The following GIMAP8 variants were observed in gnomAD, a reference collection of about 807,000 sequenced individuals.
GIMAP8 encodes the protein GTPase, IMAP family member 8.
GIMAP8 carries 29 observed loss-of-function variants against 35.6 expected under a neutral mutation model. The observed-to-expected ratio is 0.81, with a 90% CI of 0.61 to 1.11. GIMAP8 has a LOEUF of 1.11. Ranked by LOEUF, GIMAP8 falls within the 50% of genes most tolerant of loss-of-function variation. The pLI, the probability that GIMAP8 is intolerant of heterozygous loss-of-function variation, is 0.00. For missense variants in GIMAP8, 811 were observed against 805.0 expected, an observed-to-expected ratio of 1.01 and a Z score of -0.09; for synonymous variants, 335 against 308.7, an observed-to-expected ratio of 1.09 and a Z score of -0.89.
rs746809284 is a variant in GIMAP8 at position 150,474,573 on chromosome 7, T to C, written c.1244T>C (p.Leu415Pro). The change falls in exon 4 of 5, where the codon CTC (leucine) becomes CCC (proline). Residue 415 changes from leucine (L) to proline (P), a missense_variant. Leu to Pro is a moderately conservative substitution (Grantham distance 98). Transcript: ENST00000307271. ...GEEEQRQADE[L>P]LEKIESMVHQ... ...GAAGAGCAAAGGCAGGCGGACGAGCTCCTGGAAAAAATTGAGAGCATGGTG... is the reference window on the plus strand; with the variant it reads ...GAAGAGCAAAGGCAGGCGGACGAGCCCCTGGAAAAAATTGAGAGCATGGTG... The C allele has an allele frequency of 6.2e-7, 1 of 1,612,402 alleles. No individual in the cohort carries two copies. Among genetic ancestry groups the C allele is most frequent in the South Asian group, 1.1e-5 (1 of 90,668 alleles).
At chr7:150,470,762 T>TTTTTTTTG in intron 2 of GIMAP8, 67 bp from the exon 3 acceptor site, 1 of 711,328 alleles carries the variant, frequency 1.4e-6, no homozygotes, top group South Asian at 2.1e-5. Flanking sequence ...TTTTTTTTTT[T>TTTTTTTTG]TTTTTTCAGT....
intron 3 of GIMAP8, among the ~76,000 whole-genome samples, chr7:150,471,399 G>T (rs1802086975): frequency 6.6e-6 from 1 of 152,238 alleles, no homozygotes; most frequent in Non-Finnish European, 1.5e-5. Flanking sequence ...ATGCAACCAT[G>T]CCTTTACTGA....
At chr7:150,457,948 C>T (rs1801765846) in intron 1 of GIMAP8, among the ~76,000 whole-genome samples, 1 of 152,196 alleles carries the variant, frequency 6.6e-6, no homozygotes, top group South Asian at 2.1e-4. Context: ...CTGCTCCTTC[C>T]CCAACAGGCC....
In GIMAP8 at chr7:150,474,061, G is replaced by A. The variant is rs1160852208; in HGVS notation, c.732G>A (p.Gly244=). 1.2e-6 allele frequency: 2 copies of A among 1,614,162 alleles called. No individual in the cohort carries two copies. Among genetic ancestry groups the A allele is most frequent in the East Asian group, 2.2e-5 (1 of 44,882 alleles). ...CCACAGGACCCGAGCAGAATCCGGG[G>A]ACATCAGAACTGACAGTCCTCCTTG... The part of the protein sequence containing the change: ...LQSTGPEQNP[G]TSELTVLLVG... Residue 244 remains glycine, a synonymous_variant, in exon 4 of 5, where the codon GGG becomes GGA. Transcript: ENST00000307271.
chr7:150,456,409 CCT>C (rs1324066248), intron 1 of GIMAP8, among the ~76,000 whole-genome samples: 1 of 152,190 alleles, frequency 6.6e-6, no homozygotes, highest in Non-Finnish European at 1.5e-5. Flanking sequence ...CCTGCTCCTT[CCT>C]CTGTCTTTAA....
At chr7:150,461,194 T>C (rs1178162220) in intron 1 of GIMAP8, among the ~76,000 whole-genome samples, 1 of 152,244 alleles carries the variant, frequency 6.6e-6, no homozygotes, top group Non-Finnish European at 1.5e-5. Flanking sequence ...AAGAAGAAAG[T>C]GCATTGTGTA....
Position 150,474,548 on chromosome 7 carries a change from G to T in GIMAP8, c.1219G>T (p.Glu407Ter). The change falls in exon 4 of 5, where the codon GAA becomes TAA. Residue 407 changes from glutamate (E) to a stop codon, truncating the protein, a stop_gained. Transcript: ENST00000307271. LOFTEE classifies it high-confidence loss of function. ...CTTCAACTACCGGGCAACAGGAGAA[G>T]AAGAGCAAAGGCAGGCGGACGAGCT... ...SAFNYRATGEEEQRQADELLE... is the reference protein window; with the variant it reads ...SAFNYRATGE 1 of 1,611,050 alleles carries T rather than the reference G, an allele frequency of 6.2e-7. No individual in the cohort carries two copies. Among genetic ancestry groups the T allele is most frequent in the East Asian group, 2.2e-5 (1 of 44,886 alleles).
chr7:150,453,216 CTCCATAGGGTG>C (rs1258721885), intron 1 of GIMAP8, among the ~76,000 whole-genome samples: 1 of 152,216 alleles, frequency 6.6e-6, no homozygotes, highest in African/African-American at 2.4e-5. Flanking sequence ...GAGAGCTTCT[CTCCATAGGGTG>C]TATCTGGGTG....
In GIMAP8 at chr7:150,466,962, G is replaced by T; in HGVS notation, c.264G>T (p.Glu88Asp). Residue 88 changes from glutamate (E) to aspartate (D), a missense_variant, in exon 2 of 5, where the codon GAG (glutamate) becomes GAT (aspartate). Glu to Asp is a conservative substitution (Grantham distance 45). Transcript: ENST00000307271. Reference protein sequence around the residue: ...DKQRNIQHCLELSAPSLHALL... With the variant: ...DKQRNIQHCLDLSAPSLHALL... ...AACGCAACATCCAACACTGCTTGGA[G>T]CTCTCTGCTCCCAGCCTCCATGCTC... 1 of 1,614,208 alleles carries T rather than the reference G, an allele frequency of 6.2e-7. No individual in the cohort carries two copies. Among genetic ancestry groups the T allele is most frequent in the Non-Finnish European group, 8.5e-7 (1 of 1,180,036 alleles).
chr7:150,462,244 A>T (rs1801858693), intron 1 of GIMAP8, among the ~76,000 whole-genome samples: 2 of 152,220 alleles, frequency 1.3e-5, no homozygotes, highest in Non-Finnish European at 2.9e-5. Flanking sequence ...GTGGATCTTC[A>T]GTTGCTTCAG....
intron 2 of GIMAP8, among the ~76,000 whole-genome samples, chr7:150,468,109 C>T (rs760913050): frequency 1.6e-4 from 24 of 152,280 alleles, no homozygotes; most frequent in African/African-American, 4.6e-4. Flanking sequence ...TCAGGTCTTG[C>T]GGGATCAATA....
chr7:150,452,675 G>GATAT (rs373374121), intron 1 of GIMAP8, among the ~76,000 whole-genome samples: 2,342 of 79,512 alleles, frequency 0.029, 89 homozygotes, highest in South Asian at 0.031. Context: ...GTGTGTGTGA[G>GATAT]ATATATATAT....
In GIMAP8 at chr7:150,474,225, C is replaced by T. The variant is rs975663263; in HGVS notation, c.896C>T (p.Ser299Leu). The change falls in exon 4 of 5, where the codon TCG (serine) becomes TTG (leucine). Residue 299 changes from serine to leucine, a missense_variant. By Grantham distance (145) the Ser-to-Leu change is moderately radical. Transcript: ENST00000307271. ...ESRSWRKKKV[S>L]IIDAPDISSL... Reference sequence around the variant, plus strand: ...AGAAGCTGGAGAAAAAAGAAAGTTTCGATCATTGATGCTCCGGACATCTCA... The same window carrying T: ...AGAAGCTGGAGAAAAAAGAAAGTTTTGATCATTGATGCTCCGGACATCTCA... 1.7e-5 allele frequency: 28 copies of T among 1,614,004 alleles called. No individual in the cohort carries two copies. Among genetic ancestry groups the T allele is most frequent in the South Asian group, 3.3e-5 (3 of 91,082 alleles).
intron 1 of GIMAP8, among the ~76,000 whole-genome samples, chr7:150,461,395 C>G (rs1345575742): frequency 6.6e-6 from 1 of 152,198 alleles, no homozygotes; most frequent in Non-Finnish European, 1.5e-5. Context: ...ATTTGCTTTA[C>G]CTGTCTGTAT....
intron 1 of GIMAP8, among the ~76,000 whole-genome samples, chr7:150,456,945 A>C (rs1213051618): frequency 2.0e-5 from 3 of 152,160 alleles, no homozygotes; most frequent in Non-Finnish European, 4.4e-5. Flanking sequence ...TAAAAAATGC[A>C]CAGTGTGCTG....
intron 3 of GIMAP8, among the ~76,000 whole-genome samples, chr7:150,473,333 G>T (rs1802137240): frequency 6.6e-6 from 1 of 151,846 alleles, no homozygotes; most frequent in Admixed American, 6.6e-5. Flanking sequence ...CAAACAGCTT[G>T]ATGCCTTTTT....
intron 1 of GIMAP8, among the ~76,000 whole-genome samples, chr7:150,462,418 A>G (rs1158777251): frequency 6.6e-6 from 1 of 152,132 alleles, no homozygotes; most frequent in East Asian, 1.9e-4. Context: ...TCATTTGTAT[A>G]TCTGCTCTAC....
At position 150,477,181 on chromosome 7, in the gene GIMAP8, C is replaced by T. The variant is rs201505121; in HGVS notation, c.1399C>T (p.Arg467Trp). Residue 467 changes from arginine to tryptophan, a missense_variant, in exon 5 of 5, where the codon CGG becomes TGG. By Grantham distance (101) the Arg-to-Trp change is moderately radical. Transcript: ENST00000307271. Reference protein sequence around the residue: ...SILGSLVFTSRLRAQPVTKTS... With the variant: ...SILGSLVFTSWLRAQPVTKTS... ...CCTGGGGAGCCTCGTCTTCACCTCT[C>T]GGCTCCGGGCCCAGCCAGTCACCAA... The T allele has an allele frequency of 4.3e-4, 687 of 1,614,068 alleles. No individual in the cohort carries two copies. Among genetic ancestry groups the T allele is most frequent in the Non-Finnish European group, 5.5e-4 (644 of 1,179,964 alleles).
chr7:150,472,958 G>A lies in GIMAP8; in HGVS notation c.683-1054G>A, dbSNP rs1345766808. 6.6e-6 allele frequency among the ~76,000 whole-genome samples: 1 copy of A among 152,182 alleles called. No individual in the cohort carries two copies. Among genetic ancestry groups the A allele is most frequent in the African/African-American group, 2.4e-5 (1 of 41,436 alleles). ...TAGTCAGGTCCTAAGGGCTTTACAG[G>A]TGCTGTTTCCTTTAGTCTTTTCAAC... On this transcript the variant is annotated intron_variant, in intron 3 of 4. Transcript: ENST00000307271. This position sits in a 1 kb window ranked among gnomAD's most constrained non-coding sequence, Gnocchi z 4.1.
Sources: gnomAD v4.1 joint callset for allele counts (sites outside exome capture counted in the v4.1 genomes callset) on GRCh38, gnomAD v4.1.1 for gene constraint, Gnocchi (gnomAD v3.1) non-coding constraint, MANE v1.5 for transcripts, NCBI Gene and HGNC (gene_info 2026-07-23, HGNC 2026-07-21) for gene names.